Variants in QTMAN observed in about 807,000 individuals in gnomAD.
QTMAN encodes queuosine-tRNA mannosyltransferase.
the QTMAN span, among the ~76,000 whole-genome samples, chr2:144,206,358 T>C: frequency 6.6e-6 from 1 of 152,194 alleles, no homozygotes; most frequent in Non-Finnish European, 1.5e-5. Flanking sequence ...ACTTATTTAG[T>C]GTAGCAAAAG....
chr2:144,132,664 T>C, the QTMAN span, among the ~76,000 whole-genome samples: 1 of 152,182 alleles, frequency 6.6e-6, no homozygotes, highest in South Asian at 2.1e-4. Context: ...TCTATCTTTT[T>C]ATTTACTTGA....
the QTMAN span, among the ~76,000 whole-genome samples, chr2:144,309,068 A>G: frequency 6.6e-6 from 1 of 152,222 alleles, no homozygotes. Context: ...CCACAAAGAG[A>G]TACCAGTATA....
the QTMAN span, among the ~76,000 whole-genome samples, chr2:144,207,264 C>A: frequency 4.6e-5 from 7 of 152,192 alleles, no homozygotes; most frequent in Non-Finnish European, 7.3e-5. Flanking sequence ...AGCCATGTAA[C>A]TGGAATGCTC....
At chr2:143,963,853 G>C in the QTMAN span, 1 of 151,984 alleles carries the variant, frequency 6.6e-6, no homozygotes, top group Non-Finnish European at 1.5e-5. Flanking sequence ...GAAGCCTTCA[G>C]TTTGAATTTC....
At chr2:144,029,371 T>C in the QTMAN span, among the ~76,000 whole-genome samples, 1 of 152,356 alleles carries the variant, frequency 6.6e-6, no homozygotes, top group East Asian at 1.9e-4. Flanking sequence ...CTGCTCTAAA[T>C]AGCCCCATTG....
the QTMAN span, among the ~76,000 whole-genome samples, chr2:144,287,558 CTT>C: frequency 7.6e-4 from 116 of 151,746 alleles, no homozygotes; most frequent in Non-Finnish European, 1.4e-3. Flanking sequence ...GAAAAAAACA[CTT>C]TGTTTCTTAG....
At chr2:144,149,824 TTAAA>T in the QTMAN span, among the ~76,000 whole-genome samples, 1 of 152,192 alleles carries the variant, frequency 6.6e-6, no homozygotes. Context: ...TCTGCTCAAT[TTAAA>T]TAAATCAGTT....
the QTMAN span, among the ~76,000 whole-genome samples, chr2:144,321,871 G>A: frequency 6.6e-6 from 1 of 152,084 alleles, no homozygotes; most frequent in East Asian, 1.9e-4. Flanking sequence ...TCTGTAAAGT[G>A]AGAGTCACTA....
chr2:143,985,961 TTAG>T, the QTMAN span, among the ~76,000 whole-genome samples: 1 of 152,174 alleles, frequency 6.6e-6, no homozygotes, highest in African/African-American at 2.4e-5. Flanking sequence ...ATTAAAGAAA[TTAG>T]TAGTTTAATA....
chr2:144,126,956 A>G, the QTMAN span, among the ~76,000 whole-genome samples: 1 of 152,020 alleles, frequency 6.6e-6, no homozygotes, highest in African/African-American at 2.4e-5. Flanking sequence ...TAAACTGTAA[A>G]ATCTTATACT....
chr2:144,282,978 C>T, the QTMAN span, among the ~76,000 whole-genome samples: 1 of 152,214 alleles, frequency 6.6e-6, no homozygotes, highest in African/African-American at 2.4e-5. Context: ...GAGTGGCACA[C>T]CCCCAGTCCA....
the QTMAN span, among the ~76,000 whole-genome samples, chr2:144,167,871 C>T: frequency 6.6e-6 from 1 of 152,144 alleles, no homozygotes; most frequent in Non-Finnish European, 1.5e-5. Context: ...AGAGATAAGT[C>T]ATGCAAATTT....
At chr2:144,269,896 A>G in the QTMAN span, among the ~76,000 whole-genome samples, 3 of 152,010 alleles carry the variant, frequency 2.0e-5, no homozygotes, top group African/African-American at 7.2e-5. Flanking sequence ...AACAGCATAT[A>G]TAAGAAATAT....
chr2:144,079,403 C>A, the QTMAN span, among the ~76,000 whole-genome samples: 1 of 152,062 alleles, frequency 6.6e-6, no homozygotes, highest in Non-Finnish European at 1.5e-5. Context: ...TAAACTAGAT[C>A]ATATGCATTT....
At chr2:143,970,340 T>G in the QTMAN span, among the ~76,000 whole-genome samples, 1 of 152,186 alleles carries the variant, frequency 6.6e-6, no homozygotes, top group South Asian at 2.1e-4. Flanking sequence ...AGGTGAGAGG[T>G]TGTATATCCA....
At chr2:144,148,292 A>G in the QTMAN span, among the ~76,000 whole-genome samples, 10 of 151,904 alleles carry the variant, frequency 6.6e-5, no homozygotes, top group East Asian at 1.9e-3. Context: ...ATAAATATTA[A>G]TATGTATATA....
chr2:144,110,404 G>T, the QTMAN span, among the ~76,000 whole-genome samples: 91 of 152,154 alleles, frequency 6.0e-4, no homozygotes, highest in African/African-American at 2.1e-3. Context: ...GGTGAGGGGA[G>T]GGGGGAAGGA....
the QTMAN span, among the ~76,000 whole-genome samples, chr2:144,258,523 CT>C: frequency 6.6e-6 from 1 of 152,192 alleles, no homozygotes; most frequent in Non-Finnish European, 1.5e-5. Flanking sequence ...CAGGCAACGT[CT>C]TTCAGAGTTG....
the QTMAN span, among the ~76,000 whole-genome samples, chr2:144,244,270 A>G: frequency 1.3e-5 from 2 of 152,190 alleles, no homozygotes; most frequent in African/African-American, 4.8e-5. Flanking sequence ...GTACAACAAC[A>G]TTGGGGAAGT....
Sources: allele counts gnomAD v4.1 joint callset (sites outside exome capture counted in the v4.1 genomes callset), GRCh38; gene constraint gnomAD v4.1.1; transcripts MANE v1.5; gene names NCBI Gene and HGNC (gene_info 2026-07-23, HGNC 2026-07-21).